Variants in ITGB5 observed in about 807,000 individuals in gnomAD.
ITGB5 encodes integrin subunit beta 5.
In ITGB5, 38 loss-of-function variants were observed where a neutral mutation model predicts 84.8. The ratio of observed to expected loss-of-function variants is 0.45; its 90% CI spans 0.35 to 0.59. The LOEUF (loss-of-function observed/expected upper bound fraction) is 0.59, where lower values mean the gene tolerates loss of function less well. Among genes scored for constraint, ITGB5 ranks in the 20% least tolerant of loss-of-function variants. The pLI is 0.01. For synonymous variants in ITGB5, 393 were observed against 414.4 expected, an observed-to-expected ratio of 0.95 and a Z score of 0.63; for missense variants, 905 against 1,034.5, an observed-to-expected ratio of 0.87 and a Z score of 1.72.
chr3:124,871,181 G>A lies in ITGB5; in HGVS notation c.156+2265C>T, dbSNP rs544302031. 4.1e-4 allele frequency among the ~76,000 whole-genome samples: 62 copies of A among 151,602 alleles called. 1 individual carries two copies. The Middle Eastern group carries it at 0.014, about 33-fold the overall frequency. On this transcript the variant is annotated intron_variant, in intron 2 of 14. Coordinates refer to ENST00000296181, the MANE Select transcript of ITGB5 (RefSeq NM_002213.5). ...GCTGGGATTACAGGTGTGAGCCACT[G>A]CACACCAGGCCTGAATTGATTCTTT... is the stretch of plus-strand genomic sequence containing the variant.
intron 1 of ITGB5, among the ~76,000 whole-genome samples, chr3:124,882,709 C>A (rs1214696245): frequency 6.6e-6 from 1 of 152,180 alleles, no homozygotes; most frequent in Non-Finnish European, 1.5e-5. Context: ...CTCTGAGGGA[C>A]AGTTGAGAAT....
intron 10 of ITGB5, among the ~76,000 whole-genome samples, chr3:124,780,015 C>T (rs939885438): frequency 5.9e-5 from 9 of 152,202 alleles, no homozygotes; most frequent in African/African-American, 2.2e-4. Flanking sequence ...CGGGGAGGCT[C>T]ACACCACAGA....
chr3:124,763,229 A>T lies in ITGB5; in HGVS notation c.*394T>A, dbSNP rs2063717995. On this transcript the variant is annotated 3_prime_UTR_variant, in exon 15 of 15. Transcript: ENST00000296181. ...ATCAATGTGAAAAAAGCCAAACTGT[A>T]TGCTGGTTTTACAGACTCCGACCCT... is the stretch of plus-strand genomic sequence containing the variant. The T allele has an allele frequency of 5.8e-6, 1 of 171,600 alleles. No individual in the cohort carries two copies. The allele number at this position is 171,600 out of a possible 1,614,324, so 10.6% of individuals were successfully genotyped here.
intron 7 of ITGB5, among the ~76,000 whole-genome samples, chr3:124,818,327 C>T (rs1263998276): frequency 6.6e-6 from 1 of 152,102 alleles, no homozygotes; most frequent in African/African-American, 2.4e-5. Flanking sequence ...ATCTCCCACC[C>T]TCTGCCTGCC....
intron 10 of ITGB5, among the ~76,000 whole-genome samples, chr3:124,783,703 A>G (rs2064039124): frequency 6.6e-6 from 1 of 152,242 alleles, no homozygotes; most frequent in African/African-American, 2.4e-5. Flanking sequence ...ATGTCCAAGA[A>G]ACCCAGAGAC....
At chr3:124,848,199 G>A (rs1165357072) in intron 4 of ITGB5, 110 bp downstream of exon 4, 1 of 1,284,002 alleles carries the variant, frequency 7.8e-7, no homozygotes, top group African/African-American at 1.5e-5. Context: ...GCCTAAGCCT[G>A]GCCACCCCTC....
rs1458797111 is a variant in ITGB5, at chr3:124,767,332, C to A, written c.2018-987G>T. ...TATCAGACACGAAAGCCTGGACTTT[C>A]TGTCTCAGCTCCCTTCTGGGCTGGG... is the stretch of plus-strand genomic sequence containing the variant. On this transcript the variant is annotated intron_variant, in intron 12 of 14. Transcript: ENST00000296181. 4.6e-5 allele frequency among the ~76,000 whole-genome samples: 7 copies of A among 152,220 alleles called. No individual in the cohort carries two copies. The East Asian group carries it at 1.3e-3, about 29-fold the overall frequency.
At chr3:124,808,898 T>C in intron 9 of ITGB5, 124 bp downstream of exon 9, 1 of 1,084,562 alleles carries the variant, frequency 9.2e-7, no homozygotes, top group Non-Finnish European at 1.3e-6. Flanking sequence ...TCCTCTGGGA[T>C]GCTGAATTGG....
Position 124,824,018 on chromosome 3 carries a change from T to C in ITGB5, c.781-2544A>G, listed in dbSNP as rs1251324205. Among the ~76,000 whole-genome samples the C allele has an allele frequency of 2.0e-5, 3 of 152,182 alleles. No homozygotes were observed. In the East Asian group the frequency reaches 5.8e-4, roughly 29 times the overall value. On this transcript the variant is annotated intron_variant, in intron 5 of 14. Coordinates refer to ENST00000296181, the MANE Select transcript of ITGB5 (RefSeq NM_002213.5). ...GTTGAGACGCCATCTCTCTGCAAAT[T>C]GGTTTATAGATTTGACACAATCACA... is the stretch of plus-strand genomic sequence containing the variant.
At chr3:124,877,546 C>A (rs1394549081) in intron 1 of ITGB5, among the ~76,000 whole-genome samples, 3 of 152,094 alleles carry the variant, frequency 2.0e-5, no homozygotes, top group Non-Finnish European at 4.4e-5. Context: ...GATTATAGCA[C>A]CTTGGGGCTA....
At chr3:124,794,806 A>AAG (rs10628116) in intron 10 of ITGB5, among the ~76,000 whole-genome samples, 47 of 150,592 alleles carry the variant, frequency 3.1e-4, no homozygotes, top group African/African-American at 1.1e-3. Context: ...ACAAGAAAGA[A>AAG]AGAGAGAGAG....
intron 1 of ITGB5, chr3:124,878,552 G>A (rs150035341): frequency 3.6e-5 from 5 of 137,480 alleles, no homozygotes; most frequent in East Asian, 5.1e-4. Flanking sequence ...CACCCTAAAC[G>A]CTGAGCACTG....
chr3:124,898,824 C>G (rs1446735329), intron 1 of ITGB5, among the ~76,000 whole-genome samples: 1 of 148,572 alleles, frequency 6.7e-6, no homozygotes, highest in African/African-American at 2.5e-5. Flanking sequence ...ACCTGTAATC[C>G]CAGTACTTTG....
intron 5 of ITGB5, among the ~76,000 whole-genome samples, chr3:124,831,815 T>G (rs1447403183): frequency 6.6e-6 from 1 of 152,104 alleles, no homozygotes. Flanking sequence ...GCACATGTAC[T>G]CTCTCTGCTG....
At chr3:124,767,950 T>G (rs373253025) in intron 12 of ITGB5, among the ~76,000 whole-genome samples, 1 of 152,094 alleles carries the variant, frequency 6.6e-6, no homozygotes, top group Non-Finnish European at 1.5e-5. Flanking sequence ...ATGCCTGTGG[T>G]CCCAGCTACT....
chr3:124,852,130 C>G (rs185432360), intron 3 of ITGB5, among the ~76,000 whole-genome samples: 1 of 152,294 alleles, frequency 6.6e-6, no homozygotes, highest in East Asian at 1.9e-4. Flanking sequence ...CAATCGCCAC[C>G]TCCCGCTGCC....
At chr3:124,891,840 C>T (rs945082034), upstream of ITGB5, among the ~76,000 whole-genome samples, 1 of 151,538 alleles carries the variant, frequency 6.6e-6, no homozygotes, top group Non-Finnish European at 1.5e-5. Flanking sequence ...ATCACCTGAG[C>T]CTGGGGAAGT....
intron 1 of ITGB5, among the ~76,000 whole-genome samples, chr3:124,884,171 T>C (rs2047571): frequency 0.45 from 65,886 of 146,914 alleles, 14,716 homozygotes; most frequent in East Asian, 0.68. Flanking sequence ...CTGAATAAAG[T>C]ACCTGTAGTG....
In ITGB5 at chr3:124,848,512, A is replaced by C. The variant is rs1271139343; in HGVS notation, c.408T>G (p.Tyr136Ter). 6.2e-7 allele frequency: 1 copy of C among 1,614,062 alleles called. No individual in the cohort carries two copies. Among genetic ancestry groups the C allele is most frequent in the Non-Finnish European group, 8.5e-7 (1 of 1,180,020 alleles). ...FQLQVRQVED[Y>*]PVDLYYLMDL... is the part of the protein sequence containing the mutation. ...CCATCAGGTAGTACAGGTCCACAGG[A>C]TAGTCCTCCACCTGGCGAACCTGTA... Residue 136 changes from tyrosine to a stop codon, truncating the protein, a stop_gained, in exon 4 of 15, where the codon TAT becomes TAG. Coordinates refer to ENST00000296181, the MANE Select transcript of ITGB5 (RefSeq NM_002213.5). LOFTEE classifies it high-confidence loss of function.
Sources: allele counts gnomAD v4.1 joint callset (sites outside exome capture counted in the v4.1 genomes callset), GRCh38; gene constraint gnomAD v4.1.1; transcripts MANE v1.5; gene names NCBI Gene and HGNC (gene_info 2026-07-23, HGNC 2026-07-21).